The following DDX50 variants were observed in gnomAD, a reference collection of about 807,000 sequenced individuals.
DDX50 encodes DExD-box helicase 50.
Under a neutral mutation model 94.8 loss-of-function variants are expected in DDX50, and 56 were observed. The ratio of observed to expected loss-of-function variants is 0.59; its 90% CI spans 0.48 to 0.74. The LOEUF (loss-of-function observed/expected upper bound fraction) is 0.74. Ranked by LOEUF, DDX50 falls within the 30% of genes least tolerant of loss-of-function variation. The probability of loss-of-function intolerance (pLI) is 0.00; values close to 1 mark genes in which losing one functional copy is unlikely to be tolerated. For synonymous variants in DDX50, 264 were observed against 295.4 expected (o/e 0.89, Z 1.09); for missense variants, 713 against 881.2 (o/e 0.81, Z 2.42).
In DDX50 at chr10:68,926,837, G is replaced by A. The variant is rs370803330; in HGVS notation, c.1239+6856G>A. 2.7e-5 allele frequency among the ~76,000 whole-genome samples: 4 copies of A among 150,894 alleles called. No individual in the cohort carries two copies. The South Asian group carries it at 8.4e-4, about 32-fold the overall frequency. ...TGGAAAAAAAAATTATTCAAAAGTT[G>A]GAGACCTGGAAACCATCACTGATAC... On this transcript the variant is annotated intron_variant, in intron 8 of 14. Coordinates refer to ENST00000373585, the MANE Select transcript of DDX50 (RefSeq NM_024045.2).
chr10:68,914,236 C>T, intron 7 of DDX50, 32 bp downstream of exon 7: 1 of 1,601,226 alleles, frequency 6.2e-7, no homozygotes, highest in Non-Finnish European at 8.5e-7. Flanking sequence ...TAGATTTTAG[C>T]TTTTAGTTGG....
At chr10:68,903,444 G>C (rs1022984818) in intron 1 of DDX50, among the ~76,000 whole-genome samples, 4 of 151,416 alleles carry the variant, frequency 2.6e-5, no homozygotes, top group African/African-American at 9.7e-5. Context: ...GAGGCGGGTG[G>C]ATCGTGAGGT....
Position 68,910,316 on chromosome 10 carries a change from C to G in DDX50, c.394C>G (p.Arg132Gly). The G allele has an allele frequency of 6.2e-7, 1 of 1,606,358 alleles. No homozygotes were observed. Among genetic ancestry groups the G allele is most frequent in the Non-Finnish European group, 8.5e-7 (1 of 1,177,616 alleles). The change falls in exon 3 of 15, where the codon CGT becomes GGT. Residue 132 changes from arginine (R) to glycine (G), a missense_variant. By Grantham distance (125) the Arg-to-Gly change is moderately radical. Transcript: ENST00000373585. Reference sequence around the variant, plus strand: ...GATTTCATTTTTACAGACCTTAACACGTGAACAGAAAGAAGGAGCCTTCTC... The same window carrying G: ...GATTTCATTTTTACAGACCTTAACAGGTGAACAGAAAGAAGGAGCCTTCTC... ...SDNKLEETLTREQKEGAFSNF... is the reference protein window; with the variant it reads ...SDNKLEETLTGEQKEGAFSNF...
In DDX50 at chr10:68,934,439, A is replaced by G; in HGVS notation, c.1401+79A>G. 1.3e-6 allele frequency: 2 copies of G among 1,571,162 alleles called. No individual in the cohort carries two copies. The highest frequency in any genetic ancestry group is 1.7e-6 in the Non-Finnish European group (2 of 1,159,872). ...TTTAATTTACAACATATTGCTTGGG[A>G]TGTGAAAAATATGTCATCTCTTCTT... is the stretch of plus-strand genomic sequence containing the variant. On this transcript the variant is annotated intron_variant, in intron 9 of 14. Transcript: ENST00000373585. This position sits in a 1 kb window ranked among gnomAD's most constrained non-coding sequence, Gnocchi z 4.0.
intron 14 of DDX50, among the ~76,000 whole-genome samples, chr10:68,945,708 T>C (rs753709449): frequency 6.6e-6 from 1 of 152,228 alleles, no homozygotes; most frequent in Non-Finnish European, 1.5e-5. Context: ...TTGTATATCT[T>C]CACTTGTTTA....
chr10:68,921,201 A>G (rs1259597603), intron 8 of DDX50, among the ~76,000 whole-genome samples: 2 of 151,882 alleles, frequency 1.3e-5, no homozygotes, highest in Non-Finnish European at 2.9e-5. Flanking sequence ...AAATAACAAT[A>G]CTGTTATCAC....
At chr10:68,939,923 C>G (rs1195743371) in intron 12 of DDX50, among the ~76,000 whole-genome samples, 2 of 139,166 alleles carry the variant, frequency 1.4e-5, no homozygotes. Flanking sequence ...GAAAGGACTA[C>G]TTACTGCTGA....
At chr10:68,912,798 A>G (rs1001325990) in intron 4 of DDX50, among the ~76,000 whole-genome samples, 5 of 152,210 alleles carry the variant, frequency 3.3e-5, no homozygotes, top group Admixed American at 6.5e-5. Flanking sequence ...GAATACAGTA[A>G]CCCAACCTGA....
chr10:68,924,515 T>G (rs976978748), intron 8 of DDX50, among the ~76,000 whole-genome samples: 1 of 152,198 alleles, frequency 6.6e-6, no homozygotes, highest in African/African-American at 2.4e-5. Context: ...ATCTCTTCTG[T>G]TGCTCATTTT....
At chr10:68,936,571 G>T (rs1842424456) in intron 11 of DDX50, among the ~76,000 whole-genome samples, 1 of 133,390 alleles carries the variant, frequency 7.5e-6, no homozygotes, top group Non-Finnish European at 1.5e-5. Flanking sequence ...GGGCACTGTG[G>T]TGCACGCCTG....
intron 8 of DDX50, among the ~76,000 whole-genome samples, chr10:68,925,095 G>GTTTTTTTTTTTTT (rs1239190321): frequency 3.5e-4 from 10 of 28,578 alleles, no homozygotes; most frequent in African/African-American, 1.1e-3. Flanking sequence ...CCTGCTCATG[G>GTTTTTTTTTTTTT]TTTTTTTTTT....
At chr10:68,915,551 A>G (rs948893108) in intron 7 of DDX50, among the ~76,000 whole-genome samples, 11 of 152,106 alleles carry the variant, frequency 7.2e-5, no homozygotes, top group Admixed American at 4.6e-4. Flanking sequence ...CCTCGTCTCT[A>G]TTAAAAATAC....
intron 8 of DDX50, among the ~76,000 whole-genome samples, chr10:68,926,774 TACACACACACACAC>T (rs67773821): frequency 7.8e-5 from 11 of 140,422 alleles, no homozygotes; most frequent in South Asian, 2.3e-4. Context: ...CACACAGAGA[TACACACACACACAC>T]ACACACACAC....
At chr10:68,921,762 T>C (rs559062345) in intron 8 of DDX50, among the ~76,000 whole-genome samples, 1 of 152,348 alleles carries the variant, frequency 6.6e-6, no homozygotes, top group South Asian at 2.1e-4. Flanking sequence ...CTATATAAAA[T>C]TCTTGGTTCA....
At chr10:68,931,613 T>C (rs991950841) in intron 8 of DDX50, among the ~76,000 whole-genome samples, 14 of 151,278 alleles carry the variant, frequency 9.3e-5, no homozygotes, top group Non-Finnish European at 2.1e-4. Flanking sequence ...GCTACTTTTT[T>C]AGTAGAGACG....
intron 8 of DDX50, among the ~76,000 whole-genome samples, chr10:68,929,297 CTCTCT>C (rs1842178545): frequency 1.9e-5 from 2 of 102,574 alleles, no homozygotes; most frequent in Admixed American, 1.1e-4. Flanking sequence ...TCCTTCCTCT[CTCTCT>C]CTCTCTCTCT....
chr10:68,913,717 A>C (rs1300135754), intron 6 of DDX50, 141 bp downstream of exon 6: 4 of 790,496 alleles, frequency 5.1e-6, no homozygotes, highest in Non-Finnish European at 7.5e-6. Context: ...TCTGTCCTTG[A>C]AAAAGAAAGT....
At chr10:68,924,367 T>A (rs1033235677) in intron 8 of DDX50, among the ~76,000 whole-genome samples, 2 of 152,112 alleles carry the variant, frequency 1.3e-5, no homozygotes, top group African/African-American at 4.8e-5. Context: ...CTGCAGCCTC[T>A]AACTCCTGGC....
At chr10:68,930,643 C>T (rs1030744368) in intron 8 of DDX50, among the ~76,000 whole-genome samples, 1 of 151,570 alleles carries the variant, frequency 6.6e-6, no homozygotes, top group Non-Finnish European at 1.5e-5. Context: ...ACACTCCATA[C>T]ATGCCATGGT....
Sources: allele counts gnomAD v4.1 joint callset (sites outside exome capture counted in the v4.1 genomes callset), GRCh38; gene constraint gnomAD v4.1.1; non-coding constraint Gnocchi (gnomAD v3.1); transcripts MANE v1.5; gene names NCBI Gene and HGNC (gene_info 2026-07-23, HGNC 2026-07-21).